SKAP1: variants seen among roughly 807,000 people sequenced by gnomAD.
The protein encoded by SKAP1 is src kinase-associated phosphoprotein 1.
Under a neutral mutation model 58.5 loss-of-function variants are expected in SKAP1, and 44 were observed. The observed-to-expected ratio is 0.75, with a 90% confidence interval of 0.59 to 0.97. The LOEUF is 0.97. SKAP1 is among the 50% of genes least tolerant of loss of function. The pLI, the probability that SKAP1 is intolerant of heterozygous loss-of-function variation, is 0.00. For synonymous variants in SKAP1, 127 were observed against 149.7 expected, an observed-to-expected ratio of 0.85 and a Z score of 1.11; for missense variants, 390 against 435.2, an observed-to-expected ratio of 0.90 and a Z score of 0.92.
intron 4 of SKAP1, among the ~76,000 whole-genome samples, chr17:48,242,694 T>C (rs1395610076): frequency 2.6e-5 from 4 of 152,282 alleles, no homozygotes; most frequent in East Asian, 3.9e-4. Context: ...CAAGGGGTTA[T>C]GTGGTTTGAA....
intron 7 of SKAP1, among the ~76,000 whole-genome samples, chr17:48,183,445 A>G (rs1257690226): frequency 1.3e-5 from 2 of 152,226 alleles, no homozygotes; most frequent in Non-Finnish European, 2.9e-5. Flanking sequence ...TTTATTTTAA[A>G]TGAATCAACT....
At chr17:48,216,198 G>C (rs2064936989) in intron 4 of SKAP1, among the ~76,000 whole-genome samples, 1 of 152,124 alleles carries the variant, frequency 6.6e-6, no homozygotes, top group African/African-American at 2.4e-5. Context: ...GGTGACTTTT[G>C]ACATTTCTTA....
At chr17:48,363,603 GCTT>G (rs916757803) in intron 3 of SKAP1, among the ~76,000 whole-genome samples, 183 bp downstream of exon 3, 31 of 152,232 alleles carry the variant, frequency 2.0e-4, no homozygotes, top group African/African-American at 7.2e-4. Context: ...GAAGCATAGA[GCTT>G]CTTGTTGCTA....
intron 1 of SKAP1, among the ~76,000 whole-genome samples, chr17:48,412,722 A>T (rs533355058): frequency 6.6e-6 from 1 of 152,238 alleles, no homozygotes; most frequent in Non-Finnish European, 1.5e-5. Flanking sequence ...TTACTAAATT[A>T]TAAGTAAAAT....
intron 4 of SKAP1, among the ~76,000 whole-genome samples, chr17:48,244,671 C>T (rs2065276841): frequency 6.6e-6 from 1 of 152,054 alleles, no homozygotes; most frequent in African/African-American, 2.4e-5. Flanking sequence ...TATAATATTC[C>T]AAAGGAAGCT....
At chr17:48,330,577 G>A (rs1019887302) in intron 4 of SKAP1, among the ~76,000 whole-genome samples, 2 of 152,208 alleles carry the variant, frequency 1.3e-5, no homozygotes, top group African/African-American at 4.8e-5. Context: ...GAAGGAGAAG[G>A]GAAGCATTCT....
chr17:48,360,847 T>G (rs2144387945), intron 3 of SKAP1, among the ~76,000 whole-genome samples: 1 of 152,224 alleles, frequency 6.6e-6, no homozygotes, highest in Middle Eastern at 3.4e-3. Flanking sequence ...AAATAGAAAC[T>G]ACTGGCTTTT....
chr17:48,301,456 A>ATTTC lies in SKAP1; in HGVS notation c.280+44445_280+44448dup, dbSNP rs377528374. On this transcript the variant is annotated intron_variant, in intron 4 of 12. Transcript: ENST00000336915. Reference sequence around the variant, plus strand: ...CCATGAGTATTTGAATTGAATCTAGATTTCTTTCTTTCTTTCTTTTTTGAG... The same window carrying ATTTC: ...CCATGAGTATTTGAATTGAATCTAGATTTCTTTCTTTCTTTCTTTCTTTTTTGAG... Among the ~76,000 whole-genome samples the ATTTC allele has an allele frequency of 5.1e-4, 78 of 151,810 alleles. 1 individual carries two copies. The highest frequency in any genetic ancestry group is 1.4e-3 in the African/African-American group (56 of 41,396).
At chr17:48,436,652 A>G in the SKAP1 span, among the ~76,000 whole-genome samples, 4 of 152,104 alleles carry the variant, frequency 2.6e-5, no homozygotes, top group Non-Finnish European at 4.4e-5. Context: ...TCTATCCTTA[A>G]AAACCAAGAT....
intron 4 of SKAP1, among the ~76,000 whole-genome samples, chr17:48,296,527 A>T: frequency 6.6e-6 from 1 of 152,218 alleles, no homozygotes; most frequent in East Asian, 1.9e-4. Flanking sequence ...TCAAAATACC[A>T]TATATGCTGC....
the SKAP1 span, among the ~76,000 whole-genome samples, chr17:48,440,854 C>G: frequency 1.3e-5 from 2 of 152,124 alleles, no homozygotes; most frequent in Admixed American, 1.3e-4. Flanking sequence ...TAAGCCAGCC[C>G]AGAGTAGTAG....
At chr17:48,240,013 T>C (rs1166294080) in intron 4 of SKAP1, among the ~76,000 whole-genome samples, 3 of 152,076 alleles carry the variant, frequency 2.0e-5, no homozygotes, top group African/African-American at 7.2e-5. Context: ...TCAGCTGAAA[T>C]GTTCATGGAT....
intron 4 of SKAP1, among the ~76,000 whole-genome samples, chr17:48,232,926 C>T (rs1408814242): frequency 1.3e-5 from 2 of 152,164 alleles, no homozygotes; most frequent in South Asian, 2.1e-4. Flanking sequence ...CTATTATTTC[C>T]AAATAAATTC....
intron 9 of SKAP1, among the ~76,000 whole-genome samples, chr17:48,172,306 C>G (rs1598394066): frequency 6.6e-6 from 1 of 152,260 alleles, no homozygotes; most frequent in South Asian, 2.1e-4. Context: ...GGTTCTAACT[C>G]AATGCCAGTG....
rs2064196526 is a variant in SKAP1, at chr17:48,170,628, A to C, written c.858T>G (p.Ser286Arg). 2 of 1,612,756 alleles carry C rather than the reference A, an allele frequency of 1.2e-6. No individual in the cohort carries two copies. The highest frequency in any genetic ancestry group is 1.7e-6 in the Non-Finnish European group (2 of 1,179,724). ...DEEHDLEEDE[S>R]GTRRKGVDYA... ...TTATACCTCCTTTTCGTCGAGTGCC[A>C]CTCTCATCCTCTTCTAGATCATGCT... The change falls in exon 10 of 13, where the codon AGT becomes AGG. Residue 286 changes from serine to arginine, a missense_variant. Ser to Arg is a moderately radical substitution (Grantham distance 110, BLOSUM62 -1). Transcript: ENST00000336915.
chr17:48,429,924 G>A (rs1050654780), intron 1 of SKAP1, 151 bp downstream of exon 1: 1 of 576,914 alleles, frequency 1.7e-6, no homozygotes, highest in Non-Finnish European at 2.6e-6. Flanking sequence ...AGGATGGAAA[G>A]CTGGCTCTAG....
chr17:48,287,098 AAAATAAATAAAT>A lies in SKAP1; in HGVS notation c.280+58795_280+58806del, dbSNP rs57589895. Among the ~76,000 whole-genome samples the A allele has an allele frequency of 2.2e-4, 33 of 147,000 alleles. No homozygotes were observed. In the South Asian group the frequency reaches 3.0e-3, roughly 13 times the overall value. ...GGCGACAGAGCAAGACTCCGTCTCAAAAATAAATAAATAAATAAATAAATAAATAAATAAATA... is the reference window on the plus strand; with the variant it reads ...GGCGACAGAGCAAGACTCCGTCTCAAAAATAAATAAATAAATAAATAAATA... On this transcript the variant is annotated intron_variant, in intron 4 of 12. Transcript: ENST00000336915.
intron 2 of SKAP1, among the ~76,000 whole-genome samples, chr17:48,391,610 A>G (rs2067345906): frequency 6.6e-6 from 1 of 152,206 alleles, no homozygotes. Context: ...TTGAGTAATA[A>G]TGTTGAAGTT....
At position 48,374,142 on chromosome 17, in the gene SKAP1, G is replaced by C. The variant is rs182040456; in HGVS notation, c.153-10328C>G. Among the ~76,000 whole-genome samples, 3 of 151,642 alleles carry C rather than the reference G, an allele frequency of 2.0e-5. No individual in the cohort carries two copies. The East Asian group carries it at 5.8e-4, about 29-fold the overall frequency. ...TTCTGCCTCCCAGGCTCAAGCCATCGTTCCACCTTAGCTTCTTGAGTATCT... is the reference window on the plus strand; with the variant it reads ...TTCTGCCTCCCAGGCTCAAGCCATCCTTCCACCTTAGCTTCTTGAGTATCT... On this transcript the variant is annotated intron_variant, in intron 2 of 12. Coordinates refer to ENST00000336915, the MANE Select transcript of SKAP1 (RefSeq NM_003726.4).
Sources: allele counts gnomAD v4.1 joint callset (sites outside exome capture counted in the v4.1 genomes callset), GRCh38; gene constraint gnomAD v4.1.1; transcripts MANE v1.5; gene names NCBI Gene and HGNC (gene_info 2026-07-23, HGNC 2026-07-21).